The following PTPRT variants were observed in gnomAD, a reference collection of about 807,000 sequenced individuals.
The protein encoded by PTPRT is receptor-type tyrosine-protein phosphatase T.
PTPRT carries 56 observed loss-of-function variants against 176.8 expected under a neutral mutation model. The ratio of observed to expected loss-of-function variants is 0.32; its 90% CI spans 0.26 to 0.40. PTPRT has a LOEUF of 0.40. PTPRT is among the 10% of genes least tolerant of loss of function. PTPRT has a pLI of 1.00. For synonymous variants in PTPRT, 783 were observed against 739.0 expected, an observed-to-expected ratio of 1.06 and a Z score of -0.96; for missense variants, 1,540 against 1,908.2, an observed-to-expected ratio of 0.81 and a Z score of 3.60.
At chr20:42,047,068 C>G in the PTPRT span, among the ~76,000 whole-genome samples, 1 of 152,108 alleles carries the variant, frequency 6.6e-6, no homozygotes, top group African/African-American at 2.4e-5. Flanking sequence ...ACAAACTTCT[C>G]CAATGAGGAA....
At chr20:42,104,514 G>T (rs1177385589) in intron 25 of PTPRT, 55 bp downstream of exon 25, 6 of 1,516,750 alleles carry the variant, frequency 4.0e-6, no homozygotes, top group Non-Finnish European at 5.4e-6. Flanking sequence ...ATGGAAATTT[G>T]TTATAACAAC....
At chr20:42,789,732 G>A (rs1347823649) in intron 3 of PTPRT, among the ~76,000 whole-genome samples, 2 of 152,152 alleles carry the variant, frequency 1.3e-5, no homozygotes, top group African/African-American at 4.8e-5. Flanking sequence ...AGCCATTGAG[G>A]ATAAAATTGA....
intron 7 of PTPRT, among the ~76,000 whole-genome samples, chr20:42,536,049 A>C (rs1214807382): frequency 6.6e-6 from 1 of 152,068 alleles, no homozygotes; most frequent in Non-Finnish European, 1.5e-5. Context: ...CAGGGAAGAA[A>C]GAATAATCTC....
At chr20:42,732,070 C>A (rs752757784) in intron 6 of PTPRT, among the ~76,000 whole-genome samples, 3 of 152,238 alleles carry the variant, frequency 2.0e-5, no homozygotes, top group Non-Finnish European at 2.9e-5. Flanking sequence ...TCCATTAACT[C>A]TTTCAAAGTC....
chr20:42,760,380 C>CTTTTTTTT (rs754362528), intron 5 of PTPRT, among the ~76,000 whole-genome samples: 1 of 94,244 alleles, frequency 1.1e-5, no homozygotes, highest in African/African-American at 4.3e-5. Flanking sequence ...TCTAAATCTG[C>CTTTTTTTT]TTTTTTTTTT....
intron 2 of PTPRT, among the ~76,000 whole-genome samples, chr20:42,850,026 T>A (rs1230791596): frequency 6.6e-6 from 1 of 152,178 alleles, no homozygotes; most frequent in African/African-American, 2.4e-5. Context: ...TTCTCAACTT[T>A]CCCTATGACT....
intron 4 of PTPRT, among the ~76,000 whole-genome samples, chr20:42,774,978 C>T (rs1323193129): frequency 1.3e-5 from 2 of 152,204 alleles, no homozygotes; most frequent in Non-Finnish European, 2.9e-5. Flanking sequence ...CAACTGTCAC[C>T]TTCCCCCAGC....
At chr20:42,963,434 A>G (rs1329347426) in intron 1 of PTPRT, among the ~76,000 whole-genome samples, 2 of 151,398 alleles carry the variant, frequency 1.3e-5, no homozygotes, top group Non-Finnish European at 2.9e-5. Context: ...ATAAAAAAAT[A>G]AAAACAACCT....
intron 11 of PTPRT, among the ~76,000 whole-genome samples, chr20:42,336,094 A>G (rs1338371218): frequency 1.3e-5 from 2 of 152,140 alleles, no homozygotes; most frequent in Non-Finnish European, 2.9e-5. Context: ...CAAGCTTTAA[A>G]TTAATTATGT....
Position 42,311,432 on chromosome 20 carries a change from T to C in PTPRT, c.2139+4291A>G, listed in dbSNP as rs561001913. On this transcript the variant is annotated intron_variant, in intron 12 of 30. Coordinates refer to ENST00000373187, the MANE Select transcript of PTPRT (RefSeq NM_007050.6). ...AACAAAGATGTCCAGACCTCAGAATTCTCCTACCCTTCCTTGACTAAAACT... is the reference window on the plus strand; with the variant it reads ...AACAAAGATGTCCAGACCTCAGAATCCTCCTACCCTTCCTTGACTAAAACT... Among the ~76,000 whole-genome samples, 71 of 152,208 alleles carry C rather than the reference T, an allele frequency of 4.7e-4. No homozygotes were observed. In the South Asian group the frequency reaches 5.6e-3, roughly 12 times the overall value.
At chr20:42,537,425 T>A (rs1219040066) in intron 7 of PTPRT, among the ~76,000 whole-genome samples, 3 of 152,220 alleles carry the variant, frequency 2.0e-5, no homozygotes, top group Admixed American at 1.3e-4. Flanking sequence ...TCAAATAAAA[T>A]TATTCATTTA....
chr20:42,746,067 G>A (rs747088892), intron 6 of PTPRT, among the ~76,000 whole-genome samples: 14 of 152,204 alleles, frequency 9.2e-5, no homozygotes, highest in Non-Finnish European at 1.9e-4. Flanking sequence ...GTTGCCATTT[G>A]ATTTAATTTC....
chr20:42,517,482 T>C (rs1369768816), intron 7 of PTPRT, among the ~76,000 whole-genome samples: 2 of 152,026 alleles, frequency 1.3e-5, no homozygotes, highest in Non-Finnish European at 2.9e-5. Flanking sequence ...CTTTCTATTG[T>C]ACATATGCAT....
At chr20:42,040,602 T>A in the PTPRT span, among the ~76,000 whole-genome samples, 2 of 152,176 alleles carry the variant, frequency 1.3e-5, no homozygotes, top group African/African-American at 4.8e-5. Context: ...CACCAAGATA[T>A]TTTAAGAAAT....
chr20:42,982,944 C>T (rs568294379), intron 1 of PTPRT, among the ~76,000 whole-genome samples: 6 of 152,258 alleles, frequency 3.9e-5, no homozygotes, highest in Admixed American at 2.6e-4. Flanking sequence ...ACATACCTTA[C>T]GGGCATTAGA....
intron 6 of PTPRT, among the ~76,000 whole-genome samples, chr20:42,696,601 A>T (rs1210652239): frequency 1.3e-5 from 2 of 151,822 alleles, no homozygotes; most frequent in Admixed American, 1.3e-4. Flanking sequence ...GACTACAGGC[A>T]CCTGCTACCA....
At chr20:42,699,254 A>G (rs1478161683) in intron 6 of PTPRT, among the ~76,000 whole-genome samples, 1 of 152,156 alleles carries the variant, frequency 6.6e-6, no homozygotes, top group African/African-American at 2.4e-5. Flanking sequence ...ACATGGTCAC[A>G]TACACCAAAT....
intron 16 of PTPRT, among the ~76,000 whole-genome samples, chr20:42,185,820 G>T (rs1990756226): frequency 6.6e-6 from 1 of 152,220 alleles, no homozygotes; most frequent in African/African-American, 2.4e-5. Flanking sequence ...CACATGTTGA[G>T]GATACAGTAA....
intron 7 of PTPRT, among the ~76,000 whole-genome samples, chr20:42,563,055 T>TA (rs1368669242): frequency 6.6e-6 from 1 of 152,102 alleles, no homozygotes; most frequent in Non-Finnish European, 1.5e-5. Context: ...AAGACTGAAA[T>TA]AAAAATTAAA....
Sources: gnomAD v4.1 joint callset for allele counts (sites outside exome capture counted in the v4.1 genomes callset) on GRCh38, gnomAD v4.1.1 for gene constraint, MANE v1.5 for transcripts, NCBI Gene and HGNC (gene_info 2026-07-23, HGNC 2026-07-21) for gene names.